UTS2B: variants seen among roughly 807,000 people sequenced by gnomAD.
UTS2B encodes the protein urotensin 2B.
UTS2B carries 21 observed loss-of-function variants against 19.2 expected under a neutral mutation model. The observed-to-expected ratio is 1.09, with a 90% CI of 0.78 to 1.58. UTS2B has a LOEUF of 1.58. Among genes scored for constraint, UTS2B ranks in the 40% most tolerant of loss-of-function variants. UTS2B has a pLI of 0.00. For missense variants in UTS2B, 138 were observed against 130.3 expected (o/e 1.06, Z -0.29); for synonymous variants, 57 against 50.2 (o/e 1.14, Z -0.58).
intron 2 of UTS2B, among the ~76,000 whole-genome samples, chr3:191,321,055 C>G (rs560806129): frequency 6.6e-6 from 1 of 152,266 alleles, no homozygotes; most frequent in Admixed American, 6.5e-5. Flanking sequence ...CTCAATAAAT[C>G]CTCCAGAGTA....
intron 2 of UTS2B, among the ~76,000 whole-genome samples, chr3:191,327,623 T>C (rs1717780116): frequency 6.6e-6 from 1 of 152,194 alleles, no homozygotes; most frequent in African/African-American, 2.4e-5. Context: ...AAGAATACTC[T>C]GATATTTCTC....
chr3:191,307,748 C>A (rs544903021), intron 3 of UTS2B, among the ~76,000 whole-genome samples: 7 of 152,164 alleles, frequency 4.6e-5, no homozygotes, highest in Non-Finnish European at 1.0e-4. Flanking sequence ...TCTACCAATA[C>A]ACCATTGCAG....
rs1401813209 is a variant in UTS2B, at chr3:191,287,525, G to GA, written c.-124-5213dup. Among the ~76,000 whole-genome samples, 16 of 151,924 alleles carry GA rather than the reference G, an allele frequency of 1.1e-4. No homozygotes were observed. In the South Asian group the frequency reaches 2.7e-3, roughly 26 times the overall value. The stretch of plus-strand genomic sequence containing the variant: ...CTATACAATAATTTCAACAGATGCA[G>GA]AAAAAACATGATAAAATGTATATGA... On this transcript the variant is annotated intron_variant, in intron 4 of 8. Coordinates refer to ENST00000340524, the MANE Select transcript of UTS2B (RefSeq NM_198152.5).
At chr3:191,341,664 A>G in the UTS2B span, among the ~76,000 whole-genome samples, 5 of 152,216 alleles carry the variant, frequency 3.3e-5, no homozygotes, top group Non-Finnish European at 7.3e-5. Flanking sequence ...GGAATAGAGA[A>G]CTATCAAGAG....
intron 3 of UTS2B, among the ~76,000 whole-genome samples, chr3:191,305,279 C>T (rs1717107250): frequency 6.6e-6 from 1 of 152,176 alleles, no homozygotes; most frequent in Non-Finnish European, 1.5e-5. Context: ...TGTACACTCC[C>T]ACCAACAGTG....
the UTS2B span, among the ~76,000 whole-genome samples, chr3:191,341,896 G>A: frequency 2.6e-5 from 4 of 152,172 alleles, no homozygotes; most frequent in Non-Finnish European, 4.4e-5. Flanking sequence ...ATTCTGTATA[G>A]ATTGTTTCTA....
In UTS2B at chr3:191,307,837, CTTT is replaced by C. The variant is rs34254108; in HGVS notation, c.-181-3292_-181-3290del. ...TTTTCTTTTCTTTTCGTTTTCTTCT[CTTT>C]TTTTTTTTTTTTTGAGTCAGAGTCT... On this transcript the variant is annotated intron_variant, in intron 3 of 8. Transcript: ENST00000340524. 3.5e-3 allele frequency among the ~76,000 whole-genome samples: 484 copies of C among 138,420 alleles called. 3 individuals carry two copies. The highest frequency in any genetic ancestry group is 3.9e-3 in the African/African-American group (146 of 36,974). 90.8% of individuals were successfully genotyped at this position (138,420 alleles called of 152,430 possible).
intron 2 of UTS2B, among the ~76,000 whole-genome samples, chr3:191,320,079 T>G (rs890869813): frequency 1.3e-5 from 2 of 152,096 alleles, no homozygotes; most frequent in Non-Finnish European, 2.9e-5. Flanking sequence ...AGACAAAGTT[T>G]CAGTCTTTGT....
rs57398216 is a variant in UTS2B at position 191,313,725 on chromosome 3, C to CTTTT, written c.-182+2307_-182+2310dup. 5.1e-4 allele frequency among the ~76,000 whole-genome samples: 56 copies of CTTTT among 109,136 alleles called. 1 individual carries two copies. The highest frequency in any genetic ancestry group is 1.4e-3 in the South Asian group (4 of 2,838). The allele number at this position is 109,136 out of a possible 152,430, so 71.6% of individuals were successfully genotyped here. A position where few individuals can be genotyped will look rare whatever the true frequency, so the allele number is the denominator to read the frequency against. On this transcript the variant is annotated intron_variant, in intron 3 of 8. Coordinates refer to ENST00000340524, the MANE Select transcript of UTS2B (RefSeq NM_198152.5). ...TAAGACAATGCATTCCTCCACTTTC[C>CTTTT]TTTTTTTTTTTTTTTTTTTTTTTGA...
At chr3:191,275,662 A>G (rs576086227) in intron 7 of UTS2B, among the ~76,000 whole-genome samples, 1 of 151,870 alleles carries the variant, frequency 6.6e-6, no homozygotes, top group Non-Finnish European at 1.5e-5. Flanking sequence ...CCAGGGCAAC[A>G]GAGCAAGACT....
intron 2 of UTS2B, among the ~76,000 whole-genome samples, chr3:191,326,357 G>A (rs1717746091): frequency 6.6e-6 from 1 of 151,932 alleles, no homozygotes; most frequent in South Asian, 2.1e-4. Context: ...CTCTAACTGG[G>A]GGATGCTTTT....
At chr3:191,326,903 T>A (rs1717756871) in intron 2 of UTS2B, among the ~76,000 whole-genome samples, 1 of 152,256 alleles carries the variant, frequency 6.6e-6, no homozygotes, top group Non-Finnish European at 1.5e-5. Context: ...TTCCAGGTCA[T>A]CTGCTCTAGT....
intron 2 of UTS2B, among the ~76,000 whole-genome samples, chr3:191,327,695 A>G (rs1181425295): frequency 6.6e-6 from 1 of 152,212 alleles, no homozygotes; most frequent in Non-Finnish European, 1.5e-5. Flanking sequence ...AGGAAGCCAC[A>G]GGTCAAAGGG....
At chr3:191,276,472 C>G (rs559224891) in intron 7 of UTS2B, among the ~76,000 whole-genome samples, 76 of 152,276 alleles carry the variant, frequency 5.0e-4, no homozygotes, top group African/African-American at 1.8e-3. Flanking sequence ...CAATAACATC[C>G]ATCTATTTAC....
intron 2 of UTS2B, among the ~76,000 whole-genome samples, chr3:191,327,901 T>A (rs562255113): frequency 6.6e-6 from 1 of 152,200 alleles, no homozygotes; most frequent in Admixed American, 6.5e-5. Flanking sequence ...TTCCTTCTTA[T>A]TCCCACATTT....
chr3:191,310,833 T>C (rs1717281502), intron 3 of UTS2B, among the ~76,000 whole-genome samples: 1 of 152,234 alleles, frequency 6.6e-6, no homozygotes. Flanking sequence ...AAAAAAGTGC[T>C]GCTAACTTCC....
At chr3:191,297,850 T>C (rs1028901347) in intron 4 of UTS2B, among the ~76,000 whole-genome samples, 2 of 152,262 alleles carry the variant, frequency 1.3e-5, no homozygotes, top group African/African-American at 4.8e-5. Context: ...ACCTTATTTA[T>C]TGTGATAATG....
At chr3:191,323,612 G>T (rs1717667708) in intron 2 of UTS2B, among the ~76,000 whole-genome samples, 1 of 152,218 alleles carries the variant, frequency 6.6e-6, no homozygotes, top group Non-Finnish European at 1.5e-5. Context: ...AGAGTTTATA[G>T]TAGATTAGCC....
intron 8 of UTS2B, among the ~76,000 whole-genome samples, chr3:191,268,951 A>T (rs6772358): frequency 0.63 from 95,541 of 152,092 alleles, 30,271 homozygotes; most frequent in Middle Eastern, 0.77. Flanking sequence ...TGATATTTAA[A>T]TAACTTCATT....
Sources: allele counts gnomAD v4.1 joint callset (sites outside exome capture counted in the v4.1 genomes callset), GRCh38; gene constraint gnomAD v4.1.1; transcripts MANE v1.5; gene names NCBI Gene and HGNC (gene_info 2026-07-23, HGNC 2026-07-21).